Variants in LGI2 observed in about 807,000 individuals in gnomAD.
LGI2 encodes leucine-rich repeat LGI family member 2.
A neutral mutation model predicts 52.0 loss-of-function variants in LGI2; 30 were observed. That is an observed-to-expected ratio of 0.58 (90% CI 0.43 to 0.78). LGI2 has a LOEUF of 0.78. Among genes scored for constraint, LGI2 ranks in the 30% least tolerant of loss-of-function variants. The probability of loss-of-function intolerance (pLI) is 0.00; values close to 1 mark genes in which losing one functional copy is unlikely to be tolerated. For missense variants in LGI2, 573 were observed against 692.5 expected, an observed-to-expected ratio of 0.83 and a Z score of 1.94; for synonymous variants, 270 against 271.8, an observed-to-expected ratio of 0.99 and a Z score of 0.06.
chr4:25,009,792 C>A, intron 7 of LGI2, among the ~76,000 whole-genome samples: 1 of 151,946 alleles, frequency 6.6e-6, no homozygotes, highest in East Asian at 2.0e-4. Context: ...CATGCCACCA[C>A]GCCCAGCTAA....
intron 4 of LGI2, among the ~76,000 whole-genome samples, chr4:25,022,729 T>C (rs1318856455): frequency 6.6e-6 from 1 of 152,212 alleles, no homozygotes; most frequent in Admixed American, 6.5e-5. Flanking sequence ...TGCACAAAGA[T>C]ATGCAAATAC....
Position 25,004,329 on chromosome 4 carries a change from T to C in LGI2, c.821-61A>G. On this transcript the variant is annotated intron_variant, in intron 7 of 7. Transcript: ENST00000382114. This position sits in a 1 kb window ranked among gnomAD's most constrained non-coding sequence, Gnocchi z 4.6. ...ACTACAGCTAAAAACGCATCTCCGCTTGTACTCTTATACACTGCTGGTGGG... is the reference window on the plus strand; with the variant it reads ...ACTACAGCTAAAAACGCATCTCCGCCTGTACTCTTATACACTGCTGGTGGG... 7.0e-7 allele frequency: 1 copy of C among 1,425,536 alleles called. No homozygotes were observed. Among genetic ancestry groups the C allele is most frequent in the Non-Finnish European group, 9.6e-7 (1 of 1,043,210 alleles). The allele number at this position is 1,425,536 out of a possible 1,614,324, so 88.3% of individuals were successfully genotyped here. A position where few individuals can be genotyped will look rare whatever the true frequency, so the allele number is the denominator to read the frequency against.
At chr4:25,012,625 G>T in intron 6 of LGI2, 126 bp from the exon 7 acceptor site, 1 of 913,084 alleles carries the variant, frequency 1.1e-6, no homozygotes, top group Non-Finnish European at 1.7e-6. Context: ...GGATAGGAGA[G>T]ATGCAACACA....
Position 25,005,168 on chromosome 4 carries a change from C to A in LGI2, c.821-900G>T, listed in dbSNP as rs182105888. ...CAAATGAGGAGTTGTCATTTAATGG[C>A]ACAGAGTTTCAGTTTTTCAAGATGA... On this transcript the variant is annotated intron_variant, in intron 7 of 7. Coordinates refer to ENST00000382114, the MANE Select transcript of LGI2 (RefSeq NM_018176.4). 6.6e-5 allele frequency among the ~76,000 whole-genome samples: 10 copies of A among 152,292 alleles called. No homozygotes were observed. The East Asian group carries it at 1.7e-3, about 26-fold the overall frequency.
intron 3 of LGI2, among the ~76,000 whole-genome samples, chr4:25,026,341 C>T (rs1726150447): frequency 2.8e-5 from 4 of 143,048 alleles, no homozygotes; most frequent in Non-Finnish European, 3.0e-5. Context: ...GAAATCTGCA[C>T]ATCAAAAAAG....
intron 1 of LGI2, among the ~76,000 whole-genome samples, chr4:25,029,222 G>A (rs775694357): frequency 2.6e-5 from 4 of 152,190 alleles, no homozygotes; most frequent in Non-Finnish European, 5.9e-5. Flanking sequence ...CTTTCAGTTG[G>A]CATGCAGATC....
chr4:25,017,835 A>G (rs2109417755), intron 6 of LGI2, among the ~76,000 whole-genome samples, 154 bp downstream of exon 6: 2 of 152,308 alleles, frequency 1.3e-5, no homozygotes, highest in South Asian at 4.1e-4. Context: ...TCCTTACCAC[A>G]TCGATTCATT....
chr4:25,030,408 G>C (rs1726298617), intron 1 of LGI2, 89 bp downstream of exon 1: 2 of 1,405,798 alleles, frequency 1.4e-6, no homozygotes, highest in Admixed American at 2.0e-5. Context: ...GGTCAGGGTC[G>C]CGCTGGCCCG....
intron 7 of LGI2, among the ~76,000 whole-genome samples, chr4:25,008,328 G>A (rs1297323066): frequency 6.6e-6 from 1 of 152,124 alleles, no homozygotes; most frequent in Non-Finnish European, 1.5e-5. Flanking sequence ...CGAGGTGGGT[G>A]AATCACCTGA....
In LGI2 at chr4:25,012,100, C is replaced by T. The variant is rs1351017646; in HGVS notation, c.820+235G>A. ...AAAATGCCTCCCACCACATGCAACC[C>T]GTAAATGATCATCAATAATAAGCAG... On this transcript the variant is annotated intron_variant, in intron 7 of 7. Transcript: ENST00000382114. Among the ~76,000 whole-genome samples, 10 of 152,112 alleles carry T rather than the reference C, an allele frequency of 6.6e-5. No homozygotes were observed. The East Asian group carries it at 1.7e-3, about 26-fold the overall frequency.
intron 7 of LGI2, among the ~76,000 whole-genome samples, chr4:25,011,422 G>GT (rs1553871548): frequency 6.6e-6 from 1 of 151,986 alleles, no homozygotes; most frequent in Non-Finnish European, 1.5e-5. Context: ...CGGAGCATCC[G>GT]TTGTACATCT....
downstream of LGI2, among the ~76,000 whole-genome samples, chr4:24,995,673 A>G (rs1385886547): frequency 6.6e-6 from 1 of 152,198 alleles, no homozygotes; most frequent in Non-Finnish European, 1.5e-5. Context: ...TCTACTCCTT[A>G]GAAGCAAGTC....
Position 25,004,546 on chromosome 4 carries a change from G to A in LGI2, c.821-278C>T, listed in dbSNP as rs1328813668. Among the ~76,000 whole-genome samples, 1 of 152,198 alleles carries A rather than the reference G, an allele frequency of 6.6e-6. No individual in the cohort carries two copies. Among genetic ancestry groups the A allele is most frequent in the Non-Finnish European group, 1.5e-5 (1 of 68,040 alleles). ...GTTTGTGCTCTCTCCAAATGCATATGATGAAACCTCATCTCCAATGTGATG... is the reference window on the plus strand; with the variant it reads ...GTTTGTGCTCTCTCCAAATGCATATAATGAAACCTCATCTCCAATGTGATG... On this transcript the variant is annotated intron_variant, in intron 7 of 7. Transcript: ENST00000382114. This position sits in a 1 kb window ranked among gnomAD's most constrained non-coding sequence, Gnocchi z 4.6.
chr4:25,030,461 G>GCGGGA, intron 1 of LGI2, 36 bp downstream of exon 1: 1 of 1,556,046 alleles, frequency 6.4e-7, no homozygotes, highest in Admixed American at 1.9e-5. Context: ...GCAGGGTGGG[G>GCGGGA]CGGGACGGGA....
intron 7 of LGI2, among the ~76,000 whole-genome samples, chr4:25,005,391 G>A (rs1399058766): frequency 6.6e-6 from 1 of 152,080 alleles, no homozygotes; most frequent in African/African-American, 2.4e-5. Flanking sequence ...AGTCCTCAGA[G>A]GCAGGCATAC....
rs2109430500 is a variant in LGI2, at chr4:25,030,730, A to C, written c.-37T>G. 8.8e-7 allele frequency: 1 copy of C among 1,136,076 alleles called. No homozygotes were observed. Among genetic ancestry groups the C allele is most frequent in the Non-Finnish European group, 1.1e-6 (1 of 924,012 alleles). The allele number at this position is 1,136,076 out of a possible 1,614,324, so 70.4% of individuals were successfully genotyped here. The stretch of plus-strand genomic sequence containing the variant: ...GCTCCCCGCCCGGGCCCCGACCCCC[A>C]CCGCCGCGCCGCGCGCTCGGACCCG... On this transcript the variant is annotated 5_prime_UTR_variant, in exon 1 of 8. Transcript: ENST00000382114.
chr4:25,030,360 G>T, intron 1 of LGI2, 137 bp downstream of exon 1: 1 of 892,428 alleles, frequency 1.1e-6, no homozygotes, highest in Non-Finnish European at 1.7e-6. Context: ...CTCCACCCAC[G>T]TCCCCCACAC....
intron 6 of LGI2, among the ~76,000 whole-genome samples, chr4:25,016,018 C>G (rs1206377637): frequency 6.6e-6 from 1 of 151,668 alleles, no homozygotes; most frequent in Non-Finnish European, 1.5e-5. Context: ...GAAGCTTGTT[C>G]ATGAAGACAA....
chr4:25,027,085 C>T (rs956862025), intron 2 of LGI2, 146 bp from the exon 3 acceptor site: 6 of 644,256 alleles, frequency 9.3e-6, no homozygotes, highest in Non-Finnish European at 1.4e-5. Context: ...TTGTCAAAAA[C>T]CTGATTCTCA....
Sources: allele counts gnomAD v4.1 joint callset (sites outside exome capture counted in the v4.1 genomes callset), GRCh38; gene constraint gnomAD v4.1.1; non-coding constraint Gnocchi (gnomAD v3.1); transcripts MANE v1.5; gene names NCBI Gene and HGNC (gene_info 2026-07-23, HGNC 2026-07-21).